The following PDZD2 variants were observed in gnomAD, a reference collection of about 807,000 sequenced individuals.
PDZD2 encodes the protein PDZ domain containing 2, also known as PDZ domain-containing protein 2.
Under a neutral mutation model 220.7 loss-of-function variants are expected in PDZD2, and 90 were observed. That is an observed-to-expected ratio of 0.41 (90% CI 0.34 to 0.49). PDZD2 has a LOEUF of 0.49. Ranked by LOEUF, PDZD2 falls within the 20% of genes least tolerant of loss-of-function variation. The pLI, the probability that PDZD2 is intolerant of heterozygous loss-of-function variation, is 0.28. For missense variants in PDZD2, 3,174 were observed against 3,608.5 expected, an observed-to-expected ratio of 0.88 and a Z score of 3.08; for synonymous variants, 1,375 against 1,450.5, an observed-to-expected ratio of 0.95 and a Z score of 1.18.
At chr5:31,855,167 A>T in intron 2 of PDZD2, 1 of 961,850 alleles carries the variant, frequency 1.0e-6, no homozygotes, top group Non-Finnish European at 1.2e-6. Flanking sequence ...TCAGAACTGG[A>T]GGTAGGAAAT....
chr5:32,062,585 G>A (rs1739793650), intron 14 of PDZD2, among the ~76,000 whole-genome samples: 1 of 151,996 alleles, frequency 6.6e-6, no homozygotes, highest in Non-Finnish European at 1.5e-5. Flanking sequence ...GTAGAGATGG[G>A]GTTTCACCAT....
At chr5:31,822,737 A>G in intron 2 of PDZD2, 1 of 1,212,480 alleles carries the variant, frequency 8.2e-7, no homozygotes, top group East Asian at 3.2e-5. Context: ...GATACTGAAC[A>G]AGGAACACCT....
rs372608556 is a variant in PDZD2 at position 31,878,225 on chromosome 5, G to C, written c.476+78501G>C. ...AAATGTGTGACAGATAGCAGAGCAA[G>C]CCTGGGAGCGCTATCCTGGGCCACT... On this transcript the variant is annotated intron_variant, in intron 2 of 24. Coordinates refer to ENST00000438447, the MANE Select transcript of PDZD2 (RefSeq NM_178140.4). 2.4e-4 allele frequency among the ~76,000 whole-genome samples: 37 copies of C among 152,262 alleles called. 2 individuals carry two copies. In the East Asian group the frequency reaches 5.2e-3, roughly 21 times the overall value.
chr5:31,648,065 T>C (rs1260013462), intron 1 of PDZD2, among the ~76,000 whole-genome samples: 1 of 152,200 alleles, frequency 6.6e-6, no homozygotes, highest in African/African-American at 2.4e-5. Flanking sequence ...ACATTCTCCT[T>C]CTCAATGTAC....
intron 19 of PDZD2, among the ~76,000 whole-genome samples, chr5:32,080,805 A>C (rs2112435892): frequency 1.3e-5 from 2 of 152,288 alleles, no homozygotes; most frequent in Middle Eastern, 6.8e-3. Context: ...TATCCTCAGC[A>C]AACTAACACA....
At chr5:31,914,316 G>A (rs571258583) in intron 2 of PDZD2, among the ~76,000 whole-genome samples, 54 of 152,330 alleles carry the variant, frequency 3.5e-4, no homozygotes, top group South Asian at 1.2e-3. Flanking sequence ...TGGATCACGA[G>A]GTCAGGAGTT....
rs201806852 is a variant in PDZD2, at chr5:31,855,961, C to CAGG, written c.476+56238_476+56239insGGA. Among the ~76,000 whole-genome samples the CAGG allele has an allele frequency of 5.6e-3, 845 of 152,224 alleles. 8 individuals are homozygous for CAGG. The highest frequency in any genetic ancestry group is 0.02 in the African/African-American group (822 of 41,530). On this transcript the variant is annotated intron_variant, in intron 2 of 24. Coordinates refer to ENST00000438447, the MANE Select transcript of PDZD2 (RefSeq NM_178140.4). ...TAACTACAGCTGTCATCCTGGGAAC[C>CAGG]ATGTCTGGGAGAAAAAGACTGTGAA... is the stretch of plus-strand genomic sequence containing the variant.
intron 2 of PDZD2, among the ~76,000 whole-genome samples, chr5:31,907,264 G>T (rs1742740570): frequency 6.6e-6 from 1 of 152,196 alleles, no homozygotes; most frequent in South Asian, 2.1e-4. Context: ...TCTGGTGAGG[G>T]CTCTCTTCCT....
At chr5:31,706,842 C>CAAAAA (rs60622267) in intron 1 of PDZD2, among the ~76,000 whole-genome samples, 1 of 128,986 alleles carries the variant, frequency 7.8e-6, no homozygotes, top group African/African-American at 2.8e-5. Context: ...GATTCCATCT[C>CAAAAA]AAAAAAAAAA....
At chr5:31,851,026 A>G (rs1758029214) in intron 2 of PDZD2, among the ~76,000 whole-genome samples, 1 of 151,972 alleles carries the variant, frequency 6.6e-6, no homozygotes, top group African/African-American at 2.4e-5. Context: ...CTTTATAATA[A>G]CCCTTCAAGT....
chr5:31,848,001 T>C (rs1757686551), intron 2 of PDZD2: 2 of 393,534 alleles, frequency 5.1e-6, no homozygotes, highest in African/African-American at 2.1e-5. Flanking sequence ...CATGCTGCTA[T>C]GCAAGAGAAT....
At chr5:31,833,435 T>C (rs1756735975) in intron 2 of PDZD2, among the ~76,000 whole-genome samples, 1 of 151,842 alleles carries the variant, frequency 6.6e-6, no homozygotes, top group South Asian at 2.1e-4. Context: ...GCCACTGCAC[T>C]GTAGCCTGGG....
intron 2 of PDZD2, among the ~76,000 whole-genome samples, chr5:31,803,897 G>A (rs11740547): frequency 0.1 from 15,235 of 151,834 alleles, 845 homozygotes; most frequent in South Asian, 0.21. Flanking sequence ...TAATTAGCTG[G>A]GCATGGTGGT....
intron 2 of PDZD2, among the ~76,000 whole-genome samples, chr5:31,845,685 C>A (rs1757545535): frequency 6.6e-6 from 1 of 152,188 alleles, no homozygotes; most frequent in African/African-American, 2.4e-5. Flanking sequence ...AGATCCAGCT[C>A]CTCTACTTAT....
At chr5:31,827,894 C>G (rs985283846) in intron 2 of PDZD2, among the ~76,000 whole-genome samples, 11 of 152,122 alleles carry the variant, frequency 7.2e-5, no homozygotes, top group African/African-American at 2.4e-4. Flanking sequence ...ATTCTCCATA[C>G]TCCGCTTCTC....
intron 2 of PDZD2, among the ~76,000 whole-genome samples, chr5:31,968,796 T>C (rs1021033417): frequency 6.6e-6 from 1 of 152,220 alleles, no homozygotes; most frequent in African/African-American, 2.4e-5. Flanking sequence ...TGCTGCACCT[T>C]GATCTTGAAC....
At chr5:31,737,380 G>A (rs976127895) in intron 1 of PDZD2, among the ~76,000 whole-genome samples, 12 of 152,086 alleles carry the variant, frequency 7.9e-5, no homozygotes, top group Admixed American at 6.5e-4. Flanking sequence ...CACCGTGTTA[G>A]CCAGGATGGT....
chr5:32,041,549 G>A (rs1020835871), intron 7 of PDZD2, among the ~76,000 whole-genome samples: 7 of 151,982 alleles, frequency 4.6e-5, no homozygotes, highest in Admixed American at 2.0e-4. Context: ...CCCCAACCCC[G>A]TGCTCTCTGA....
Position 31,909,523 on chromosome 5 carries a change from G to A in PDZD2, c.477-73632G>A, listed in dbSNP as rs59057078. ...AAAGAGAAGAACATTTTCTTTTACC[G>A]CATACAGTAGAATATAAACCCCATA... On this transcript the variant is annotated intron_variant, in intron 2 of 24. Coordinates refer to ENST00000438447, the MANE Select transcript of PDZD2 (RefSeq NM_178140.4). Among the ~76,000 whole-genome samples, 569 of 151,878 alleles carry A rather than the reference G, an allele frequency of 3.7e-3. 3 individuals carry two copies. The highest frequency in any genetic ancestry group is 0.014 in the South Asian group (66 of 4,814).
Sources: allele counts gnomAD v4.1 joint callset (sites outside exome capture counted in the v4.1 genomes callset), GRCh38; gene constraint gnomAD v4.1.1; transcripts MANE v1.5; gene names NCBI Gene and HGNC (gene_info 2026-07-23, HGNC 2026-07-21).